The following PTPRG variants were observed in gnomAD, a reference collection of about 807,000 sequenced individuals.
The protein encoded by PTPRG is protein tyrosine phosphatase receptor type G.
PTPRG carries 102 observed loss-of-function variants against 165.3 expected under a neutral mutation model. The ratio of observed to expected loss-of-function variants is 0.62; its 90% CI spans 0.53 to 0.73. PTPRG has a LOEUF of 0.73. PTPRG is among the 30% of genes least tolerant of loss of function. The probability of loss-of-function intolerance (pLI) is 0.00; values close to 1 mark genes in which losing one functional copy is unlikely to be tolerated. For synonymous variants in PTPRG, 675 were observed against 669.5 expected (o/e 1.01, Z -0.13); for missense variants, 1,866 against 1,861.4 (o/e 1.00, Z -0.05).
At chr3:62,102,873 A>T (rs1023372997) in intron 5 of PTPRG, among the ~76,000 whole-genome samples, 1 of 152,176 alleles carries the variant, frequency 6.6e-6, no homozygotes, top group African/African-American at 2.4e-5. Flanking sequence ...GTAATTTCTC[A>T]TGCCATCATC....
At chr3:62,172,254 G>C (rs892698688) in intron 8 of PTPRG, among the ~76,000 whole-genome samples, 2 of 152,062 alleles carry the variant, frequency 1.3e-5, no homozygotes, top group African/African-American at 4.8e-5. Context: ...AAGTCTTTTA[G>C]ATGTAAACCT....
chr3:62,265,884 C>A (rs1701852405), intron 17 of PTPRG, among the ~76,000 whole-genome samples: 2 of 111,848 alleles, frequency 1.8e-5, no homozygotes, highest in African/African-American at 3.4e-5. Flanking sequence ...ACGTATACAT[C>A]TGTGCCTTAT....
chr3:61,746,509 A>G (rs1046806191), intron 1 of PTPRG, among the ~76,000 whole-genome samples: 1 of 152,048 alleles, frequency 6.6e-6, no homozygotes, highest in African/African-American at 2.4e-5. Context: ...TTTTGTCAAC[A>G]GAATTGATTT....
At position 62,295,147 on chromosome 3, in the gene PTPRG, G is replaced by A. The variant is rs2148909479; in HGVS notation, c.*1840G>A. On this transcript the variant is annotated 3_prime_UTR_variant, in exon 30 of 30. Coordinates refer to ENST00000474889, the MANE Select transcript of PTPRG (RefSeq NM_002841.4). ...GCTAGTCCTGAGATAAGATGTTCAAGAGAGCATGCTAAGTTGCATGTGCTA... is the reference window on the plus strand; with the variant it reads ...GCTAGTCCTGAGATAAGATGTTCAAAAGAGCATGCTAAGTTGCATGTGCTA... 6.6e-6 allele frequency: 1 copy of A among 152,264 alleles called. No homozygotes were observed. The highest frequency in any genetic ancestry group is 3.4e-3 in the Middle Eastern group (1 of 294). The allele number at this position is 152,264 out of a possible 1,614,324, so 9.4% of individuals were successfully genotyped here. A position where few individuals can be genotyped will look rare whatever the true frequency, so the allele number is the denominator to read the frequency against.
At chr3:61,597,670 G>C (rs1467749461) in intron 1 of PTPRG, among the ~76,000 whole-genome samples, 2 of 147,592 alleles carry the variant, frequency 1.4e-5, no homozygotes, top group Non-Finnish European at 3.0e-5. Flanking sequence ...GTGGGCTTAT[G>C]TCATCTTTAA....
chr3:61,840,443 G>A (rs1040606911), intron 2 of PTPRG, among the ~76,000 whole-genome samples: 2 of 151,990 alleles, frequency 1.3e-5, no homozygotes, highest in African/African-American at 4.8e-5. Flanking sequence ...TTGTTTTAGG[G>A]CAAAAAACTT....
At chr3:62,021,309 G>T (rs1387745204) in intron 4 of PTPRG, among the ~76,000 whole-genome samples, 3 of 152,150 alleles carry the variant, frequency 2.0e-5, no homozygotes, top group African/African-American at 7.2e-5. Flanking sequence ...TCATATATCT[G>T]GGATAAACTT....
chr3:61,748,515 A>T (rs2106913471), intron 1 of PTPRG, among the ~76,000 whole-genome samples: 1 of 152,296 alleles, frequency 6.6e-6, no homozygotes, highest in South Asian at 2.1e-4. Flanking sequence ...GTCAAGTTAA[A>T]GTTCTTTCTG....
intron 9 of PTPRG, 60 bp downstream of exon 9, chr3:62,191,713 T>C: frequency 6.6e-7 from 1 of 1,504,196 alleles, no homozygotes; most frequent in Non-Finnish European, 9.1e-7. Context: ...CTGCTGCAGC[T>C]CTCTGCCAGG....
At position 62,012,035 on chromosome 3, in the gene PTPRG, G is replaced by T. The variant is rs1026863669; in HGVS notation, c.519+8538G>T. The stretch of plus-strand genomic sequence containing the variant: ...GGTGGCCCTCACAACCATATAGAAG[G>T]CTTAGGGTAGTGGCGGTTGTGGTTG... On this transcript the variant is annotated intron_variant, in intron 4 of 29. Transcript: ENST00000474889. Among the ~76,000 whole-genome samples, 4 of 152,316 alleles carry T rather than the reference G, an allele frequency of 2.6e-5. No homozygotes were observed. In the East Asian group the frequency reaches 7.7e-4, roughly 29 times the overall value.
rs75881056 is a variant in PTPRG at position 61,840,170 on chromosome 3, C to G, written c.190+91188C>G. 2.8e-3 allele frequency among the ~76,000 whole-genome samples: 433 copies of G among 152,148 alleles called. 1 individual carries two copies. Among genetic ancestry groups the G allele is most frequent in the African/African-American group, 0.01 (416 of 41,502 alleles). ...GTCTAGGCACTTGTAATGTCTAAAT[C>G]ATATTAATTTATGTGATTGTGACTT... On this transcript the variant is annotated intron_variant, in intron 2 of 29. Coordinates refer to ENST00000474889, the MANE Select transcript of PTPRG (RefSeq NM_002841.4).
At chr3:61,971,165 A>C (rs1292850641) in intron 2 of PTPRG, among the ~76,000 whole-genome samples, 1 of 152,044 alleles carries the variant, frequency 6.6e-6, no homozygotes, top group African/African-American at 2.4e-5. Flanking sequence ...TGATTCTCCT[A>C]CCTCAGCCTC....
chr3:62,258,970 A>C (rs1253472936), intron 16 of PTPRG, among the ~76,000 whole-genome samples: 1 of 152,236 alleles, frequency 6.6e-6, no homozygotes, highest in African/African-American at 2.4e-5. Context: ...ATGAGTCAGA[A>C]GAATTAACAG....
chr3:62,144,935 A>G (rs990220069), intron 6 of PTPRG, among the ~76,000 whole-genome samples: 2 of 152,198 alleles, frequency 1.3e-5, no homozygotes, highest in Non-Finnish European at 1.5e-5. Context: ...TCAATATTTT[A>G]TCGTTTGAAC....
chr3:61,564,530 C>T (rs1699858676), intron 1 of PTPRG, among the ~76,000 whole-genome samples: 1 of 152,122 alleles, frequency 6.6e-6, no homozygotes, highest in African/African-American at 2.4e-5. Flanking sequence ...TTTCCTGGTC[C>T]GGGAGCCGAG....
intron 4 of PTPRG, among the ~76,000 whole-genome samples, chr3:62,009,436 C>G (rs143143604): frequency 7.2e-5 from 11 of 152,304 alleles, no homozygotes; most frequent in Admixed American, 1.3e-4. Context: ...TCTGTTTGGG[C>G]CTGCAATTGT....
At chr3:61,985,667 G>T (rs1290523970) in intron 2 of PTPRG, among the ~76,000 whole-genome samples, 1 of 152,140 alleles carries the variant, frequency 6.6e-6, no homozygotes, top group African/African-American at 2.4e-5. Flanking sequence ...TGTCGATTCT[G>T]TATTTAAATT....
At chr3:62,178,383 A>T (rs1429882901) in intron 8 of PTPRG, among the ~76,000 whole-genome samples, 1 of 152,216 alleles carries the variant, frequency 6.6e-6, no homozygotes, top group Admixed American at 6.5e-5. Flanking sequence ...GACATGTATG[A>T]TGTAGCCCAG....
At chr3:61,785,017 C>T (rs986012353) in intron 2 of PTPRG, among the ~76,000 whole-genome samples, 1 of 152,098 alleles carries the variant, frequency 6.6e-6, no homozygotes, top group South Asian at 2.1e-4. Context: ...GTCATCATTA[C>T]GTAGAGCACA....
Sources: allele counts gnomAD v4.1 joint callset (sites outside exome capture counted in the v4.1 genomes callset), GRCh38; gene constraint gnomAD v4.1.1; transcripts MANE v1.5; gene names NCBI Gene and HGNC (gene_info 2026-07-23, HGNC 2026-07-21).